Variants in PIKFYVE observed in about 807,000 individuals in gnomAD.
PIKFYVE encodes the protein 1-phosphatidylinositol 3-phosphate 5-kinase.
In PIKFYVE, 122 loss-of-function variants were observed where a neutral mutation model predicts 257.9. The ratio of observed to expected loss-of-function variants is 0.47; its 90% CI spans 0.41 to 0.55. The LOEUF is 0.55. Ranked by LOEUF, PIKFYVE falls within the 20% of genes least tolerant of loss-of-function variation. The probability of loss-of-function intolerance (pLI) is 0.00; values close to 1 mark genes in which losing one functional copy is unlikely to be tolerated. For missense variants in PIKFYVE, 2,160 were observed against 2,536.6 expected (o/e 0.85, Z 3.19); for synonymous variants, 892 against 868.9 (o/e 1.03, Z -0.47).
At position 208,325,877 on chromosome 2, in the gene PIKFYVE, C is replaced by T. The variant is rs138005254; in HGVS notation, c.3066C>T (p.Asp1022=). The part of the protein sequence containing the change: ...IRAFRDPLQD[D]TGLYVTEEVT... ...CCTTTAGAGACCCTCTACAGGATGA[C>T]ACTGGATTATATGTTACTGAGGAAG... The change falls in exon 20 of 42, where the codon GAC becomes GAT. Residue 1022 remains aspartate, a synonymous_variant. Transcript: ENST00000264380. 13 of 1,614,104 alleles carry T rather than the reference C, an allele frequency of 8.1e-6. No individual in the cohort carries two copies. In the African/African-American group the frequency reaches 1.6e-4, roughly 20 times the overall value.
At position 208,325,738 on chromosome 2, in the gene PIKFYVE, C is replaced by A. The variant is rs369543838; in HGVS notation, c.2927C>A (p.Pro976Gln). ...CCTTGTGCTTTCTTTGCACCTGTAC[C>A]GGAATCATTGTTGCCACTCCCTGTG... is the stretch of plus-strand genomic sequence containing the variant. Reference protein sequence around the residue: ...GLPCAFFAPVPESLLPLPVDD... With the variant: ...GLPCAFFAPVQESLLPLPVDD... Residue 976 changes from proline to glutamine, a missense_variant, in exon 20 of 42, where the codon CCG (proline) becomes CAG (glutamine). Around this residue, in one of 12 missense-constraint regions of PIKFYVE, gnomAD observed 522 missense variants for 514.6 expected, o/e 1.01. Transcript: ENST00000264380. 4.3e-6 allele frequency: 7 copies of A among 1,613,298 alleles called. No homozygotes were observed. Among genetic ancestry groups the A allele is most frequent in the Non-Finnish European group, 5.9e-6 (7 of 1,179,448 alleles).
intron 31 of PIKFYVE, 146 bp downstream of exon 31, chr2:208,340,277 A>G (rs1391060062): frequency 4.6e-6 from 5 of 1,097,400 alleles, no homozygotes; most frequent in Middle Eastern, 2.6e-4. Flanking sequence ...CTTTTGATAC[A>G]ATGTAATTTG....
chr2:208,353,451 A>G (rs775442850), intron 39 of PIKFYVE, among the ~76,000 whole-genome samples: 20 of 152,074 alleles, frequency 1.3e-4, no homozygotes, highest in East Asian at 7.7e-4. Flanking sequence ...CTACCACCCA[A>G]ATATTCCTGT....
chr2:208,341,393 C>T (rs1371794590), intron 31 of PIKFYVE, among the ~76,000 whole-genome samples: 11 of 151,912 alleles, frequency 7.2e-5, no homozygotes, highest in South Asian at 4.2e-4. Context: ...ATCATTCAGT[C>T]CTGTTCTTTC....
At chr2:208,285,629 T>C in intron 5 of PIKFYVE, 97 bp from the exon 6 acceptor site, 1 of 965,524 alleles carries the variant, frequency 1.0e-6, no homozygotes, top group Non-Finnish European at 1.7e-6. Flanking sequence ...TTAGATGAAC[T>C]GTTGACCCAA....
intron 17 of PIKFYVE, 31 bp from the exon 18 acceptor site, chr2:208,324,111 A>G (rs551993120): frequency 2.5e-6 from 4 of 1,603,942 alleles, no homozygotes; most frequent in South Asian, 2.2e-5. Context: ...GCATTTTACC[A>G]GGTGTAATAT....
chr2:208,336,731 A>T (rs1698176280), intron 27 of PIKFYVE, 107 bp from the exon 28 acceptor site: 1 of 700,030 alleles, frequency 1.4e-6, no homozygotes, highest in African/African-American at 1.8e-5. Context: ...GGTAATCCAA[A>T]TAGGAAAACT....
intron 1 of PIKFYVE, 105 bp from the exon 2 acceptor site, chr2:208,271,406 G>T: frequency 9.1e-7 from 1 of 1,099,816 alleles, no homozygotes; most frequent in East Asian, 2.4e-5. Context: ...TTCATAGTCT[G>T]ACTTTTCACA....
rs373049869 is a variant in PIKFYVE at position 208,338,515 on chromosome 2, C to T, written c.4619C>T (p.Ala1540Val). The T allele has an allele frequency of 1.2e-5, 19 of 1,612,716 alleles. No individual in the cohort carries two copies. Among genetic ancestry groups the T allele is most frequent in the African/African-American group, 5.3e-5 (4 of 74,818 alleles). The change falls in exon 29 of 42, where the codon GCG becomes GTG. Residue 1540 changes from alanine to valine, a missense_variant. Physicochemically the swap from Ala to Val is moderately conservative, Grantham distance 64. Transcript: ENST00000264380. ...LRQGEESKISAMDASPRNISP... is the reference protein window; with the variant it reads ...LRQGEESKISVMDASPRNISP... Reference sequence around the variant, plus strand: ...GTATTTACTTCTCTACAGATAAGTGCGATGGATGCATCTCCACGGAATATT... The same window carrying T: ...GTATTTACTTCTCTACAGATAAGTGTGATGGATGCATCTCCACGGAATATT...
chr2:208,302,901 G>A (rs1693871207), intron 10 of PIKFYVE, among the ~76,000 whole-genome samples: 1 of 152,048 alleles, frequency 6.6e-6, no homozygotes, highest in South Asian at 2.1e-4. Context: ...CTAACATGGT[G>A]AAATCCCGTC....
At chr2:208,307,490 T>G (rs1694464946) in intron 12 of PIKFYVE, among the ~76,000 whole-genome samples, 1 of 152,156 alleles carries the variant, frequency 6.6e-6, no homozygotes, top group Non-Finnish European at 1.5e-5. Flanking sequence ...ACTTTGGATC[T>G]GGGATCATGG....
chr2:208,285,961 T>G, intron 6 of PIKFYVE, 28 bp downstream of exon 6: 1 of 1,598,220 alleles, frequency 6.3e-7, no homozygotes, highest in Non-Finnish European at 8.6e-7. Flanking sequence ...TAATTTTATT[T>G]AGAGTTGAAA....
intron 5 of PIKFYVE, among the ~76,000 whole-genome samples, chr2:208,283,413 T>C (rs1372679963): frequency 6.6e-6 from 1 of 152,232 alleles, no homozygotes; most frequent in Admixed American, 6.5e-5. Flanking sequence ...ACTTTCTTCA[T>C]GAAATGAAAA....
At position 208,312,315 on chromosome 2, in the gene PIKFYVE, T is replaced by C; in HGVS notation, c.1696+20T>C. Reference sequence around the variant, plus strand: ...TCAAAGGTAATTTTATAAAAAGCTGTATGTGGAATGGTGTCTCTTTTTTTC... The same window carrying C: ...TCAAAGGTAATTTTATAAAAAGCTGCATGTGGAATGGTGTCTCTTTTTTTC... On this transcript the variant is annotated intron_variant, in intron 13 of 41. Coordinates refer to ENST00000264380, the MANE Select transcript of PIKFYVE (RefSeq NM_015040.4). The C allele has an allele frequency of 6.3e-7, 1 of 1,577,654 alleles. No homozygotes were observed. Among genetic ancestry groups the C allele is most frequent in the East Asian group, 2.2e-5 (1 of 44,534 alleles).
At chr2:208,284,558 G>T (rs1559054141) in intron 5 of PIKFYVE, among the ~76,000 whole-genome samples, 1 of 150,674 alleles carries the variant, frequency 6.6e-6, no homozygotes, top group African/African-American at 2.4e-5. Context: ...ACCGTGCCCG[G>T]CCTTAACTTT....
At chr2:208,317,784 T>C in intron 15 of PIKFYVE, 83 bp from the exon 16 acceptor site, 1 of 1,309,486 alleles carries the variant, frequency 7.6e-7, no homozygotes, top group Non-Finnish European at 1.1e-6. Context: ...TTAAAAAAAA[T>C]GGAAAGAAAT....
intron 16 of PIKFYVE, among the ~76,000 whole-genome samples, chr2:208,319,028 A>G (rs536984040): frequency 6.6e-6 from 1 of 151,540 alleles, no homozygotes; most frequent in African/African-American, 2.4e-5. Context: ...TTGAGATACC[A>G]TTTATCTATA....
chr2:208,338,338 A>G (rs1442025605), intron 28 of PIKFYVE, among the ~76,000 whole-genome samples, 170 bp from the exon 29 acceptor site: 2 of 152,164 alleles, frequency 1.3e-5, no homozygotes, highest in East Asian at 1.9e-4. Flanking sequence ...TAAGGTAAAA[A>G]TTTCTAAGGT....
intron 33 of PIKFYVE, 78 bp downstream of exon 33, chr2:208,345,272 A>AT (rs1699126005): frequency 8.1e-7 from 1 of 1,240,490 alleles, no homozygotes; most frequent in African/African-American, 1.5e-5. Context: ...CAGTTTTATT[A>AT]CAGCATTTAT....
Sources: gnomAD v4.1 joint callset for allele counts (sites outside exome capture counted in the v4.1 genomes callset) on GRCh38, gnomAD v4.1.1 for gene constraint, gnomAD v4.1.1 regional missense constraint, MANE v1.5 for transcripts, NCBI Gene and HGNC (gene_info 2026-07-23, HGNC 2026-07-21) for gene names.